ACIN1: variants seen among roughly 807,000 people sequenced by gnomAD.
ACIN1 encodes the protein apoptotic chromatin condensation inducer 1, also known as apoptotic chromatin condensation inducer in the nucleus.
In ACIN1, 16 loss-of-function variants were observed where a neutral mutation model predicts 146.6. The ratio of observed to expected loss-of-function variants is 0.11; its 90% confidence interval spans 0.07 to 0.17. ACIN1 has a LOEUF of 0.17. Among genes scored for constraint, ACIN1 ranks in the 10% least tolerant of loss-of-function variants. ACIN1 has a pLI of 1.00. For missense variants in ACIN1, 1,357 were observed against 1,609.3 expected (o/e 0.84, Z 2.68); for synonymous variants, 569 against 582.7 (o/e 0.98, Z 0.34).
In ACIN1 at chr14:23,079,543, T is replaced by C. The variant is rs1268937893; in HGVS notation, c.1788+4A>G. 1 of 1,612,152 alleles carries C rather than the reference T, an allele frequency of 6.2e-7. No homozygotes were observed. Among genetic ancestry groups the C allele is most frequent in the African/African-American group, 1.3e-5 (1 of 74,426 alleles). On this transcript the variant is annotated splice_donor_region_variant and intron_variant, in intron 6 of 18. Coordinates refer to ENST00000605057, the MANE Select transcript of ACIN1 (RefSeq NM_001386863.1). Reference sequence around the variant, plus strand: ...TAATACACCCGGGATTCTCTCATACTCACTTTTCTGCTGTTGCTTGATGCT... The same window carrying C: ...TAATACACCCGGGATTCTCTCATACCCACTTTTCTGCTGTTGCTTGATGCT...
chr14:23,086,194 T>C (rs980583821), intron 4 of ACIN1, among the ~76,000 whole-genome samples: 1 of 152,196 alleles, frequency 6.6e-6, no homozygotes, highest in Non-Finnish European at 1.5e-5. Flanking sequence ...TGTAAGTAAG[T>C]TACCTAGCAT....
chr14:23,071,122 C>T, intron 8 of ACIN1: 1 of 1,551,798 alleles, frequency 6.4e-7, no homozygotes. Context: ...GTGAAGCTCT[C>T]ACCCTTCTTT....
At chr14:23,063,723 G>C (rs1194262560) in intron 12 of ACIN1, 146 bp from the exon 13 acceptor site, 4 of 981,930 alleles carry the variant, frequency 4.1e-6, no homozygotes, top group Non-Finnish European at 5.9e-6. Context: ...ACTTCTACCA[G>C]ATCCTGGGAT....
chr14:23,085,429 T>C (rs1377661570), intron 4 of ACIN1, among the ~76,000 whole-genome samples: 1 of 152,222 alleles, frequency 6.6e-6, no homozygotes, highest in Non-Finnish European at 1.5e-5. Context: ...CCTCTTTATC[T>C]ACCTACTGTG....
rs117258138 is a variant in ACIN1, at chr14:23,093,349, G to C, written c.204+130C>G. 8,517 of 926,312 alleles carry C rather than the reference G, an allele frequency of 9.2e-3. 48 individuals are homozygous for C. The highest frequency in any genetic ancestry group is 0.012 in the Middle Eastern group (55 of 4,614). The allele number at this position is 926,312 out of a possible 1,614,324, so 57.4% of individuals were successfully genotyped here. On this transcript the variant is annotated intron_variant, in intron 2 of 18. Coordinates refer to ENST00000605057, the MANE Select transcript of ACIN1 (RefSeq NM_001386863.1). Reference sequence around the variant, plus strand: ...TTAGAATTCAACTGTCCTGGTTTGAGAACATTTCTGACTAAGAGAACTTAG... The same window carrying C: ...TTAGAATTCAACTGTCCTGGTTTGACAACATTTCTGACTAAGAGAACTTAG...
At chr14:23,064,896 CAAAAA>C (rs55914303) in intron 10 of ACIN1, among the ~76,000 whole-genome samples, 10 of 116,522 alleles carry the variant, frequency 8.6e-5, no homozygotes, top group South Asian at 2.9e-4. Flanking sequence ...GACTCCGTCT[CAAAAA>C]AAAAAAAAGA....
At chr14:23,077,054 A>G (rs1350054409) in intron 8 of ACIN1, among the ~76,000 whole-genome samples, 1 of 152,240 alleles carries the variant, frequency 6.6e-6, no homozygotes, top group Non-Finnish European at 1.5e-5. Flanking sequence ...TAAGACTGTC[A>G]GAATCGACAA....
chr14:23,080,889 C>G (rs1433571511), intron 5 of ACIN1, 80 bp from the exon 6 acceptor site: 2 of 1,512,070 alleles, frequency 1.3e-6, no homozygotes, highest in Non-Finnish European at 1.8e-6. Context: ...ATGAAGACAC[C>G]CCTAGGAAGG....
At position 23,059,158 on chromosome 14, in the gene ACIN1, C is replaced by G; in HGVS notation, c.3842G>C (p.Gly1281Ala). 3 of 1,613,364 alleles carry G rather than the reference C, an allele frequency of 1.9e-6. No individual in the cohort carries two copies. The highest frequency in any genetic ancestry group is 2.5e-6 in the Non-Finnish European group (3 of 1,179,542). The change falls in exon 19 of 19, where the codon GGG becomes GCG. Residue 1281 changes from glycine (G) to alanine (A), a missense_variant. Transcript: ENST00000605057. ...SRSTPVRDRG[G>A]RR ...CTAGTGTTTTCCCAGCTAGCGGCGC[C>G]CACCCCGGTCCCGCACAGGTGTGCT...
At chr14:23,063,620 A>C in intron 12 of ACIN1, 43 bp from the exon 13 acceptor site, 1 of 1,611,980 alleles carries the variant, frequency 6.2e-7, no homozygotes, top group Non-Finnish European at 8.5e-7. Context: ...TTAAACACCA[A>C]ACTGGCATAT....
At chr14:23,094,104 C>CCACACAAACACACACA (rs1555375769) in intron 1 of ACIN1, among the ~76,000 whole-genome samples, 3 of 150,760 alleles carry the variant, frequency 2.0e-5, no homozygotes, top group Non-Finnish European at 3.0e-5. Context: ...CCTAGTCTAT[C>CCACACAAACACACACA]CACACAAACA....
chr14:23,063,083 A>G lies in ACIN1; in HGVS notation c.2738-9T>C. ...GGTATCTCCTAAAGTCACTATCAAG[A>G]AGACCACAAGAACAGCTTTTGGTAG... On this transcript the variant is annotated splice_polypyrimidine_tract_variant and intron_variant, in intron 13 of 18. Transcript: ENST00000605057. 6.3e-7 allele frequency: 1 copy of G among 1,598,190 alleles called. No individual in the cohort carries two copies. Among genetic ancestry groups the G allele is most frequent in the Non-Finnish European group, 8.5e-7 (1 of 1,173,434 alleles).
rs1458489234 is a variant in ACIN1 at position 23,058,673 on chromosome 14, A to C, written c.*475T>G. ...AAGGAAAAGGTGGATATAAAGTGGA[A>C]CCTGTGGGAAAGAGGCAAGGGCTGC... On this transcript the variant is annotated 3_prime_UTR_variant, in exon 19 of 19. Transcript: ENST00000605057. 1 of 165,602 alleles carries C rather than the reference A, an allele frequency of 6.0e-6. No homozygotes were observed. The highest frequency in any genetic ancestry group is 2.4e-5 in the African/African-American group (1 of 41,896). 10.3% of individuals were successfully genotyped at this position (165,602 alleles called of 1,614,324 possible).
At position 23,071,687 on chromosome 14, in the gene ACIN1, T is replaced by A. The variant is rs780044431; in HGVS notation, c.2124-2070A>T. 12 of 909,520 alleles carry A rather than the reference T, an allele frequency of 1.3e-5. No homozygotes were observed. In the African/African-American group the frequency reaches 1.5e-4, roughly 12 times the overall value. 56.3% of individuals were successfully genotyped at this position (909,520 alleles called of 1,614,324 possible). A position where few individuals can be genotyped will look rare whatever the true frequency, so the allele number is the denominator to read the frequency against. ...CTTTGGCAGGCCACAGGGAGCCGAC[T>A]GCTGGCTCCAGAGGCCTGGCCTTCT... On this transcript the variant is annotated intron_variant, in intron 8 of 18. Transcript: ENST00000605057.
At chr14:23,061,905 C>T (rs1422941150) in intron 16 of ACIN1, among the ~76,000 whole-genome samples, 3 of 139,192 alleles carry the variant, frequency 2.2e-5, no homozygotes, top group Admixed American at 1.6e-4. Context: ...ACCCGGAAGG[C>T]GGAGCTTGCA....
In ACIN1 at chr14:23,065,947, G is replaced by A. The variant is rs913791483; in HGVS notation, c.2308+19C>T. Reference sequence around the variant, plus strand: ...TATGGTATTCCTGACTTTTATCAGGGATTTGGGGCTGGACTTACAGACAAC... The same window carrying A: ...TATGGTATTCCTGACTTTTATCAGGAATTTGGGGCTGGACTTACAGACAAC... On this transcript the variant is annotated intron_variant, in intron 10 of 18. Transcript: ENST00000605057. 6.2e-7 allele frequency: 1 copy of A among 1,611,068 alleles called. No individual in the cohort carries two copies. Among genetic ancestry groups the A allele is most frequent in the Non-Finnish European group, 8.5e-7 (1 of 1,177,292 alleles).
intron 8 of ACIN1, among the ~76,000 whole-genome samples, chr14:23,070,500 C>G (rs1295342302): frequency 6.6e-6 from 1 of 151,960 alleles, no homozygotes. Context: ...AACACCAAAC[C>G]CACTCTCCCA....
chr14:23,062,828 T>C (rs2047330802), intron 14 of ACIN1, 101 bp downstream of exon 14: 1 of 1,313,934 alleles, frequency 7.6e-7, no homozygotes, highest in Non-Finnish European at 1.0e-6. Flanking sequence ...ACTTAATCTA[T>C]TGGTAGACCA....
chr14:23,082,791 G>A (rs1478957223), intron 4 of ACIN1, among the ~76,000 whole-genome samples: 1 of 150,226 alleles, frequency 6.7e-6, no homozygotes, highest in Non-Finnish European at 1.5e-5. Context: ...CCAGGATGGA[G>A]TGCAATGGCA....
Sources: gnomAD v4.1 joint callset for allele counts (sites outside exome capture counted in the v4.1 genomes callset) on GRCh38, gnomAD v4.1.1 for gene constraint, MANE v1.5 for transcripts, NCBI Gene and HGNC (gene_info 2026-07-23, HGNC 2026-07-21) for gene names.